Variants in SCNN1G observed in about 807,000 individuals in gnomAD.
The protein encoded by SCNN1G is sodium channel epithelial 1 subunit gamma.
In SCNN1G, 27 loss-of-function variants were observed where a neutral mutation model predicts 64.6. The observed-to-expected ratio is 0.42, with a 90% CI of 0.31 to 0.58. The LOEUF (loss-of-function observed/expected upper bound fraction) is 0.58, where lower values mean the gene tolerates loss of function less well. Among genes scored for constraint, SCNN1G ranks in the 20% least tolerant of loss-of-function variants. SCNN1G has a pLI of 0.18. For synonymous variants in SCNN1G, 330 were observed against 314.2 expected (o/e 1.05, Z -0.53); for missense variants, 743 against 823.4 (o/e 0.90, Z 1.19).
intron 5 of SCNN1G, chr16:23,196,463 T>C (rs1280539252): frequency 6.6e-6 from 1 of 152,316 alleles, no homozygotes; most frequent in Non-Finnish European, 1.5e-5. Context: ...GAGATGCCAC[T>C]GAAGAGTTTC....
Position 23,186,225 on chromosome 16 carries a change from C to A in SCNN1G, c.-44-3C>A, listed in dbSNP as rs1282728148. 1.3e-6 allele frequency: 2 copies of A among 1,596,756 alleles called. No individual in the cohort carries two copies. Among genetic ancestry groups the A allele is most frequent in the Non-Finnish European group, 1.7e-6 (2 of 1,164,552 alleles). The stretch of plus-strand genomic sequence containing the variant: ...CACCTGCTTCTCTTCTTTGCCCCTC[C>A]AGCACGCCCGTCCTCAGAGTCCCGT... On this transcript the variant is annotated splice_region_variant and splice_polypyrimidine_tract_variant and intron_variant, in intron 1 of 12. Transcript: ENST00000300061.
intron 6 of SCNN1G, among the ~76,000 whole-genome samples, chr16:23,209,379 T>C (rs1596775752): frequency 6.6e-6 from 1 of 152,288 alleles, no homozygotes; most frequent in East Asian, 1.9e-4. Context: ...CCTTCCCTAA[T>C]CACTCTATGG....
chr16:23,197,635 G>A (rs1430626530), intron 6 of SCNN1G, among the ~76,000 whole-genome samples: 1 of 152,140 alleles, frequency 6.6e-6, no homozygotes, highest in African/African-American at 2.4e-5. Context: ...GCTCACACCT[G>A]TAATCCTAGC....
intron 6 of SCNN1G, among the ~76,000 whole-genome samples, chr16:23,209,340 T>G (rs1960041728): frequency 6.6e-6 from 1 of 152,172 alleles, no homozygotes; most frequent in Non-Finnish European, 1.5e-5. Context: ...AGTTCCACGC[T>G]AAGCCAACAG....
At chr16:23,215,012 T>C in intron 12 of SCNN1G, 77 bp from the exon 13 acceptor site, 1 of 1,566,096 alleles carries the variant, frequency 6.4e-7, no homozygotes, top group Non-Finnish European at 8.8e-7. Flanking sequence ...CGTGGCTCCC[T>C]TGGGAATCAG....
At position 23,187,710 on chromosome 16, in the gene SCNN1G, C is replaced by T. The variant is rs75321762; in HGVS notation, c.317+1122C>T. 2.6e-3 allele frequency among the ~76,000 whole-genome samples: 395 copies of T among 152,270 alleles called. 1 individual carries two copies. Among genetic ancestry groups the T allele is most frequent in the Non-Finnish European group, 4.9e-3 (330 of 68,012 alleles). Reference sequence around the variant, plus strand: ...TAAACCCAGCCCCATTAATTGAGCTCATCGGGCCCTGGGTGTGATCAGCCC... The same window carrying T: ...TAAACCCAGCCCCATTAATTGAGCTTATCGGGCCCTGGGTGTGATCAGCCC... On this transcript the variant is annotated intron_variant, in intron 2 of 12. Transcript: ENST00000300061.
chr16:23,193,407 G>A (rs912609680), intron 4 of SCNN1G, among the ~76,000 whole-genome samples: 8 of 152,162 alleles, frequency 5.3e-5, no homozygotes, highest in African/African-American at 1.9e-4. Context: ...AGCACTTTGG[G>A]AGGCTGAGGA....
chr16:23,212,767 C>A lies in SCNN1G; in HGVS notation c.1373+11C>A. The A allele has an allele frequency of 6.2e-7, 1 of 1,613,930 alleles. No homozygotes were observed. Among genetic ancestry groups the A allele is most frequent in the Non-Finnish European group, 8.5e-7 (1 of 1,179,810 alleles). ...CAAGGAAGCCTGCAGGTATGTGGAC[C>A]CCAAGGGGTGAGACGGGTGGCTGGG... On this transcript the variant is annotated intron_variant, in intron 9 of 12. Transcript: ENST00000300061.
At position 23,209,732 on chromosome 16, in the gene SCNN1G, G is replaced by GTGC. The variant is rs72647517; in HGVS notation, c.1078-12_1078-10dup. On this transcript the variant is annotated splice_polypyrimidine_tract_variant and intron_variant, in intron 6 of 12. Coordinates refer to ENST00000300061, the MANE Select transcript of SCNN1G (RefSeq NM_001039.4). ...CCGGGGGGAGGACAGGGCTGAGTGT[G>GTGC]TGCTGCTGTGATTGCAGACAGAGTC... The GTGC allele has an allele frequency of 1.3e-4, 212 of 1,594,892 alleles. 2 individuals carry two copies. In the African/African-American group the frequency reaches 2.4e-3, roughly 18 times the overall value.
At chr16:23,211,942 G>A in intron 7 of SCNN1G, 92 bp from the exon 8 acceptor site, 4 of 953,160 alleles carry the variant, frequency 4.2e-6, no homozygotes, top group Non-Finnish European at 5.2e-6. Flanking sequence ...AAGGTTAAGG[G>A]AGGCTGACCC....
rs1288160911 is a variant in SCNN1G at position 23,189,676 on chromosome 16, G to C, written c.618+5G>C. On this transcript the variant is annotated splice_donor_5th_base_variant and intron_variant, in intron 3 of 12. Coordinates refer to ENST00000300061, the MANE Select transcript of SCNN1G (RefSeq NM_001039.4). ...CAAGTGGTGGGATTCCAACTGGTAA[G>C]ATTTCACCTTCTCATTCTTTCACTG... 1 of 1,613,916 alleles carries C rather than the reference G, an allele frequency of 6.2e-7. No individual in the cohort carries two copies. Among genetic ancestry groups the C allele is most frequent in the South Asian group, 1.1e-5 (1 of 91,078 alleles).
At chr16:23,209,473 T>G (rs1167464969) in intron 6 of SCNN1G, among the ~76,000 whole-genome samples, 1 of 152,176 alleles carries the variant, frequency 6.6e-6, no homozygotes, top group Non-Finnish European at 1.5e-5. Flanking sequence ...CAAAATATCT[T>G]GTTTATTTAT....
chr16:23,216,710 T>C lies in SCNN1G; in HGVS notation c.*1241T>C, dbSNP rs1157522463. The C allele has an allele frequency of 6.6e-6, 1 of 152,152 alleles. No homozygotes were observed. Among genetic ancestry groups the C allele is most frequent in the Non-Finnish European group, 1.5e-5 (1 of 68,034 alleles). The allele number at this position is 152,152 out of a possible 1,614,324, so 9.4% of individuals were successfully genotyped here. A position where few individuals can be genotyped will look rare whatever the true frequency, so the allele number is the denominator to read the frequency against. ...TTGAACTCCTGGCCTCAAATGATCT[T>C]CCCACTTCAGCCTCCCAAAGTGCAG... On this transcript the variant is annotated 3_prime_UTR_variant, in exon 13 of 13. Transcript: ENST00000300061.
intron 3 of SCNN1G, among the ~76,000 whole-genome samples, chr16:23,190,831 ATTTTTTTTTTTTTTTTT>A (rs896029487): frequency 3.6e-5 from 2 of 56,232 alleles, no homozygotes; most frequent in Non-Finnish European, 6.3e-5. Context: ...ATTTGAGGGG[ATTTTTTTTTTTTTTTTT>A]TTTTTTTTTT....
At chr16:23,203,688 T>C (rs1426029239) in intron 6 of SCNN1G, among the ~76,000 whole-genome samples, 1 of 139,416 alleles carries the variant, frequency 7.2e-6, no homozygotes, top group Non-Finnish European at 1.5e-5. Context: ...GAGAATGGCA[T>C]GAACCCGGGA....
chr16:23,204,332 TATAG>T (rs1214577377), intron 6 of SCNN1G, among the ~76,000 whole-genome samples: 48 of 25,136 alleles, frequency 1.9e-3, no homozygotes, highest in Non-Finnish European at 2.4e-3. Context: ...TATATATATA[TATAG>T]AGAGAGAGAG....
rs1182874306 is a variant in SCNN1G at position 23,189,464 on chromosome 16, C to T, written c.411C>T (p.Arg137=). The T allele has an allele frequency of 6.8e-6, 11 of 1,614,182 alleles. No individual in the cohort carries two copies. The highest frequency in any genetic ancestry group is 8.5e-6 in the Non-Finnish European group (10 of 1,180,030). ...SLYGFPESRK[R]REAESWNSVS... ...ATGGCTTTCCAGAGTCCCGGAAGCG[C>T]CGAGAGGCGGAGTCCTGGAACTCCG... Residue 137 remains arginine (R), a synonymous_variant, in exon 3 of 13, where the codon CGC becomes CGT. Coordinates refer to ENST00000300061, the MANE Select transcript of SCNN1G (RefSeq NM_001039.4).
intron 7 of SCNN1G, among the ~76,000 whole-genome samples, chr16:23,211,452 G>T (rs1455261445): frequency 6.6e-6 from 1 of 152,182 alleles, no homozygotes; most frequent in Non-Finnish European, 1.5e-5. Context: ...CCCACATGAT[G>T]GAAAATGACC....
chr16:23,213,179 C>G lies in SCNN1G; in HGVS notation c.1493+16C>G, dbSNP rs1960108487. The G allele has an allele frequency of 6.2e-7, 1 of 1,600,782 alleles. No homozygotes were observed. Among genetic ancestry groups the G allele is most frequent in the Non-Finnish European group, 8.6e-7 (1 of 1,168,498 alleles). ...AGCTCAACAAGTAAGTTACCTCTAC[C>G]CTGTTCCTCTGTCTCTTCCCACCAC... On this transcript the variant is annotated intron_variant, in intron 11 of 12. Transcript: ENST00000300061.
Sources: allele counts gnomAD v4.1 joint callset (sites outside exome capture counted in the v4.1 genomes callset), GRCh38; gene constraint gnomAD v4.1.1; transcripts MANE v1.5; gene names NCBI Gene and HGNC (gene_info 2026-07-23, HGNC 2026-07-21).